PBX1: variants seen among roughly 807,000 people sequenced by gnomAD.
PBX1 encodes pre-B-cell leukemia transcription factor 1.
PBX1 carries 6 observed loss-of-function variants against 53.4 expected under a neutral mutation model. That is an observed-to-expected ratio of 0.11 (90% confidence interval 0.06 to 0.22). PBX1 has a LOEUF of 0.22. PBX1 is among the 10% of genes least tolerant of loss of function. The probability of loss-of-function intolerance (pLI) is 1.00; values close to 1 mark genes in which losing one functional copy is unlikely to be tolerated. For synonymous variants in PBX1, 204 were observed against 212.3 expected, an observed-to-expected ratio of 0.96 and a Z score of 0.34; for missense variants, 251 against 551.4, an observed-to-expected ratio of 0.46 and a Z score of 5.46.
chr1:164,741,569 T>A (rs567106875), intron 2 of PBX1, among the ~76,000 whole-genome samples: 8 of 152,312 alleles, frequency 5.3e-5, no homozygotes, highest in African/African-American at 1.9e-4. Context: ...GTTGGTTGGC[T>A]GGTGGGAAGG....
chr1:164,691,321 T>C (rs1233209034), intron 2 of PBX1, among the ~76,000 whole-genome samples: 2 of 152,226 alleles, frequency 1.3e-5, no homozygotes, highest in East Asian at 3.9e-4. Flanking sequence ...GCGAGAGTTG[T>C]TTAATCTTGA....
intron 2 of PBX1, among the ~76,000 whole-genome samples, chr1:164,730,401 G>A (rs1664912644): frequency 6.6e-6 from 1 of 152,172 alleles, no homozygotes; most frequent in African/African-American, 2.4e-5. Flanking sequence ...GGAGATATGG[G>A]TCTTTGGAAT....
At chr1:164,706,630 C>T (rs980372541) in intron 2 of PBX1, among the ~76,000 whole-genome samples, 4 of 152,054 alleles carry the variant, frequency 2.6e-5, no homozygotes, top group Non-Finnish European at 4.4e-5. Context: ...ATATGCATAG[C>T]CCCTATTTGG....
intron 2 of PBX1, among the ~76,000 whole-genome samples, chr1:164,644,780 C>T (rs1167450663): frequency 2.0e-5 from 3 of 152,088 alleles, no homozygotes; most frequent in East Asian, 3.8e-4. Context: ...GAGTTAATAA[C>T]CAAAGGCTTC....
At chr1:164,638,446 C>T (rs1003176232) in intron 2 of PBX1, among the ~76,000 whole-genome samples, 13 of 152,332 alleles carry the variant, frequency 8.5e-5, no homozygotes, top group Non-Finnish European at 1.3e-4. Flanking sequence ...TGCACTGGCA[C>T]GTTGACTTGT....
intron 2 of PBX1, among the ~76,000 whole-genome samples, chr1:164,742,981 C>T (rs1665691470): frequency 6.6e-6 from 1 of 152,114 alleles, no homozygotes; most frequent in Non-Finnish European, 1.5e-5. Flanking sequence ...AGCTTTGACT[C>T]CAATAATACG....
intron 2 of PBX1, among the ~76,000 whole-genome samples, chr1:164,600,170 A>G (rs1321825491): frequency 2.0e-5 from 3 of 152,186 alleles, no homozygotes; most frequent in Non-Finnish European, 4.4e-5. Context: ...GACTGTGTTA[A>G]AAAATCCAAG....
At chr1:164,803,003 T>A (rs1669159410) in intron 4 of PBX1, among the ~76,000 whole-genome samples, 1 of 152,142 alleles carries the variant, frequency 6.6e-6, no homozygotes, top group Admixed American at 6.6e-5. Context: ...TAAAAGTACG[T>A]CTGTATACTT....
chr1:164,804,036 G>A lies in PBX1; in HGVS notation c.702-3506G>A, dbSNP rs937349639. Among the ~76,000 whole-genome samples the A allele has an allele frequency of 2.0e-5, 3 of 151,932 alleles. No individual in the cohort carries two copies. In the South Asian group the frequency reaches 6.2e-4, roughly 32 times the overall value. ...TATTACTGTTATATGATATATTATT[G>A]TACATTGTTATATATATACACATTA... On this transcript the variant is annotated intron_variant, in intron 4 of 8. Transcript: ENST00000420696.
At chr1:164,742,676 C>T (rs987318964) in intron 2 of PBX1, among the ~76,000 whole-genome samples, 3 of 152,162 alleles carry the variant, frequency 2.0e-5, no homozygotes, top group African/African-American at 7.2e-5. Flanking sequence ...AAGGAAATTG[C>T]TATATAAAAA....
chr1:164,608,792 A>C (rs1402902645), intron 2 of PBX1, among the ~76,000 whole-genome samples: 1 of 152,136 alleles, frequency 6.6e-6, no homozygotes, highest in Non-Finnish European at 1.5e-5. Flanking sequence ...TTTCCCATGG[A>C]ATGCAGGGGG....
At chr1:164,838,872 G>T (rs1021016660) in intron 8 of PBX1, among the ~76,000 whole-genome samples, 6 of 152,302 alleles carry the variant, frequency 3.9e-5, no homozygotes, top group Admixed American at 1.3e-4. Flanking sequence ...TCAATCAAGT[G>T]CTTAATTGAG....
At chr1:164,674,847 G>GCCCCCCCCCCCCCCCCCCCCCC (rs78130048) in intron 2 of PBX1, 1 of 40,616 alleles carries the variant, frequency 2.5e-5, no homozygotes, top group Non-Finnish European at 6.2e-5. Context: ...AGAAATCACA[G>GCCCCCCCCCCCCCCCCCCCCCC]CCCCCCCCCC....
chr1:164,860,350 C>T (rs1338839543), intron 2 of PBX1, among the ~76,000 whole-genome samples: 1 of 152,244 alleles, frequency 6.6e-6, no homozygotes, highest in East Asian at 1.9e-4. Flanking sequence ...ATTTAGGTTG[C>T]TCTGTGGAGG....
intron 2 of PBX1, among the ~76,000 whole-genome samples, chr1:164,646,382 G>T (rs1339014531): frequency 6.6e-6 from 1 of 152,156 alleles, no homozygotes. Flanking sequence ...ATCAACAGTA[G>T]GAAAGCTTGT....
intron 2 of PBX1, among the ~76,000 whole-genome samples, chr1:164,568,607 ATAAT>A (rs771645162): frequency 3.9e-5 from 6 of 152,098 alleles, no homozygotes; most frequent in African/African-American, 9.7e-5. Context: ...GGTTATGTAA[ATAAT>A]TAAGGCACTG....
intron 2 of PBX1, among the ~76,000 whole-genome samples, chr1:164,594,576 C>T (rs1021165243): frequency 2.0e-5 from 3 of 151,850 alleles, no homozygotes; most frequent in South Asian, 2.1e-4. Context: ...CCACTGTGCC[C>T]GGCCAAAATA....
At chr1:164,585,027 TAATAA>T (rs989716105) in intron 2 of PBX1, among the ~76,000 whole-genome samples, 18 of 152,040 alleles carry the variant, frequency 1.2e-4, no homozygotes, top group Non-Finnish European at 2.2e-4. Context: ...ATAATAATAG[TAATAA>T]AATAAATAAA....
chr1:164,848,952 T>G lies in PBX1; in HGVS notation c.*2276T>G. The G allele has an allele frequency of 9.2e-7, 1 of 1,082,620 alleles. No individual in the cohort carries two copies. Among genetic ancestry groups the G allele is most frequent in the Non-Finnish European group, 1.1e-6 (1 of 890,830 alleles). The allele number at this position is 1,082,620 out of a possible 1,614,324, so 67.1% of individuals were successfully genotyped here. ...TTATGCCTTGATGACTAAAAGGCAC[T>G]AGAAAGGTTGTGTCTACTAACTTCA... On this transcript the variant is annotated 3_prime_UTR_variant, in exon 9 of 9. Transcript: ENST00000420696.
Sources: gnomAD v4.1 joint callset for allele counts (sites outside exome capture counted in the v4.1 genomes callset) on GRCh38, gnomAD v4.1.1 for gene constraint, MANE v1.5 for transcripts, NCBI Gene and HGNC (gene_info 2026-07-23, HGNC 2026-07-21) for gene names.